Variants in EBF3 observed in about 807,000 individuals in gnomAD.
EBF3 encodes transcription factor COE3.
Under a neutral mutation model 77.1 loss-of-function variants are expected in EBF3, and 18 were observed. The observed-to-expected ratio is 0.23, with a 90% CI of 0.16 to 0.35. EBF3 has a LOEUF of 0.35. Ranked by LOEUF, EBF3 falls within the 10% of genes least tolerant of loss-of-function variation. The probability of loss-of-function intolerance (pLI) is 1.00; values close to 1 mark genes in which losing one functional copy is unlikely to be tolerated. For synonymous variants in EBF3, 350 were observed against 343.5 expected (o/e 1.02, Z -0.21); for missense variants, 558 against 860.0 (o/e 0.65, Z 4.39).
chr10:129,890,040 G>T (rs1853912240), intron 6 of EBF3, among the ~76,000 whole-genome samples: 1 of 146,938 alleles, frequency 6.8e-6, no homozygotes, highest in Non-Finnish European at 1.5e-5. Flanking sequence ...TGTACCAGAG[G>T]TAGTGCAGGG....
chr10:129,865,681 C>T (rs1851958113), intron 10 of EBF3, among the ~76,000 whole-genome samples: 1 of 152,230 alleles, frequency 6.6e-6, no homozygotes, highest in Admixed American at 6.5e-5. Context: ...GCCTGATGTA[C>T]AGTGGGCAGC....
rs1009773358 is a variant in EBF3 at position 129,870,865 on chromosome 10, A to C, written c.781+2587T>G. ...ACAGCTTCCCCAGCCTGGTCCCATT[A>C]ATCAGCCCTCCTGAGTAATATCACA... is the stretch of plus-strand genomic sequence containing the variant. On this transcript the variant is annotated intron_variant, in intron 8 of 16. Coordinates refer to ENST00000440978, the MANE Select transcript of EBF3 (RefSeq NM_001375380.1). This position sits in a 1 kb window ranked among gnomAD's most constrained non-coding sequence, Gnocchi z 4.4. 6.6e-6 allele frequency among the ~76,000 whole-genome samples: 1 copy of C among 152,090 alleles called. No homozygotes were observed. Among genetic ancestry groups the C allele is most frequent in the Non-Finnish European group, 1.5e-5 (1 of 68,022 alleles).
chr10:129,854,266 T>G (rs1057505328), intron 10 of EBF3, among the ~76,000 whole-genome samples: 2 of 152,096 alleles, frequency 1.3e-5, no homozygotes, highest in African/African-American at 4.8e-5. Context: ...TTCAAAGATC[T>G]GCTGCAAAAA....
At chr10:129,840,189 C>CCA in intron 15 of EBF3, 56 bp downstream of exon 15, 2 of 1,471,420 alleles carry the variant, frequency 1.4e-6, no homozygotes, top group Non-Finnish European at 1.8e-6. Context: ...CCCCCACTCC[C>CCA]ATCCCCACCC....
chr10:129,941,740 A>G (rs1046996937), intron 6 of EBF3, among the ~76,000 whole-genome samples: 1 of 152,256 alleles, frequency 6.6e-6, no homozygotes, highest in Non-Finnish European at 1.5e-5. Context: ...TCAAGGAGGC[A>G]GAGCTTGGGG....
chr10:129,945,845 C>G (rs1257760237), intron 6 of EBF3, among the ~76,000 whole-genome samples: 1 of 152,150 alleles, frequency 6.6e-6, no homozygotes, highest in Non-Finnish European at 1.5e-5. Context: ...CCTAAACAAG[C>G]CTTTTTCCTC....
In EBF3 at chr10:129,962,064, A is replaced by G. The variant is rs957703829; in HGVS notation, c.411+107T>C. On this transcript the variant is annotated intron_variant, in intron 4 of 16. Coordinates refer to ENST00000440978, the MANE Select transcript of EBF3 (RefSeq NM_001375380.1). The stretch of plus-strand genomic sequence containing the variant: ...CTCATTAGCATGTCAAGGAAACTCA[A>G]TGGAAAACAAATACACGAGATCCAT... The G allele has an allele frequency of 3.7e-5, 39 of 1,044,936 alleles. No individual in the cohort carries two copies. The Admixed American group carries it at 7.7e-4, about 21-fold the overall frequency. 64.7% of individuals were successfully genotyped at this position (1,044,936 alleles called of 1,614,324 possible).
chr10:129,915,510 A>G (rs1855826272), intron 6 of EBF3, among the ~76,000 whole-genome samples: 1 of 150,966 alleles, frequency 6.6e-6, no homozygotes, highest in African/African-American at 2.5e-5. Flanking sequence ...AAAAGCCAAG[A>G]CAAGTTGGGT....
intron 6 of EBF3, among the ~76,000 whole-genome samples, chr10:129,907,713 G>C (rs1383812761): frequency 1.3e-5 from 2 of 152,172 alleles, no homozygotes; most frequent in African/African-American, 4.8e-5. Flanking sequence ...TAATGAGACT[G>C]GATAGAGAGC....
At chr10:129,871,601 G>A (rs1369380602) in intron 8 of EBF3, among the ~76,000 whole-genome samples, 2 of 152,174 alleles carry the variant, frequency 1.3e-5, no homozygotes, top group East Asian at 3.8e-4. Context: ...GCAGAAGGAG[G>A]GAAGGGGTTT....
chr10:129,944,706 T>C lies in EBF3; in HGVS notation c.554+12552A>G, dbSNP rs996779732. The stretch of plus-strand genomic sequence containing the variant: ...CGAGTATAGTTATACGTATGCCCCA[T>C]GAATCTCATTTTATGCGATTAAGAT... On this transcript the variant is annotated intron_variant, in intron 6 of 16. Transcript: ENST00000440978. The surrounding 1 kb of genome is among the most constrained non-coding windows in gnomAD (Gnocchi z 5.1). 1.3e-5 allele frequency among the ~76,000 whole-genome samples: 2 copies of C among 152,128 alleles called. No homozygotes were observed. Among genetic ancestry groups the C allele is most frequent in the Non-Finnish European group, 2.9e-5 (2 of 68,008 alleles).
Position 129,935,596 on chromosome 10 carries a change from G to A in EBF3, c.554+21662C>T, listed in dbSNP as rs1194873611. Among the ~76,000 whole-genome samples, 3 of 152,198 alleles carry A rather than the reference G, an allele frequency of 2.0e-5. No individual in the cohort carries two copies. The highest frequency in any genetic ancestry group is 1.9e-4 in the East Asian group (1 of 5,174). On this transcript the variant is annotated intron_variant, in intron 6 of 16. Coordinates refer to ENST00000440978, the MANE Select transcript of EBF3 (RefSeq NM_001375380.1). The surrounding 1 kb of genome is among the most constrained non-coding windows in gnomAD (Gnocchi z 4.2). ...GATACATGCACCCCACAAGGCTGGC[G>A]GGCAGCAGGCGGTGCCTCCTGATCA...
At chr10:129,896,435 C>T (rs1854380604) in intron 6 of EBF3, among the ~76,000 whole-genome samples, 1 of 152,232 alleles carries the variant, frequency 6.6e-6, no homozygotes, top group Non-Finnish European at 1.5e-5. Flanking sequence ...CGGCCACCGT[C>T]AGCCACCCTG....
chr10:129,837,367 C>G lies in EBF3; in HGVS notation c.*576G>C, dbSNP rs1486205900. The G allele has an allele frequency of 6.6e-6, 1 of 151,116 alleles. No homozygotes were observed. The highest frequency in any genetic ancestry group is 2.0e-4 in the East Asian group (1 of 5,010). The allele number at this position is 151,116 out of a possible 1,614,324, so 9.4% of individuals were successfully genotyped here. A position where few individuals can be genotyped will look rare whatever the true frequency, so the allele number is the denominator to read the frequency against. ...ATGAAGTTAAGCAGTGATAAACCCT[C>G]CCTCCCTCCCTGCCACCCCAGTTTC... is the stretch of plus-strand genomic sequence containing the variant. On this transcript the variant is annotated 3_prime_UTR_variant, in exon 17 of 17. Coordinates refer to ENST00000440978, the MANE Select transcript of EBF3 (RefSeq NM_001375380.1).
chr10:129,928,342 C>T (rs1856804644), intron 6 of EBF3, among the ~76,000 whole-genome samples: 2 of 152,332 alleles, frequency 1.3e-5, no homozygotes, highest in African/African-American at 4.8e-5. Flanking sequence ...CTGATTATTT[C>T]CTCACAATCC....
intron 6 of EBF3, among the ~76,000 whole-genome samples, chr10:129,928,823 C>T (rs1856832624): frequency 6.6e-6 from 1 of 152,232 alleles, no homozygotes; most frequent in East Asian, 1.9e-4. Flanking sequence ...TAATCACTGT[C>T]TCCACTGGCA....
chr10:129,868,010 A>C (rs1282075447), intron 8 of EBF3, 98 bp from the exon 9 acceptor site: 23 of 1,520,922 alleles, frequency 1.5e-5, no homozygotes, highest in Non-Finnish European at 1.8e-6. Flanking sequence ...CCGCGGGAGG[A>C]GAGGCGCGCC....
rs1055923745 is a variant in EBF3 at position 129,864,434 on chromosome 10, G to A, written c.1039+2707C>T. On this transcript the variant is annotated intron_variant, in intron 10 of 16. Transcript: ENST00000440978. The surrounding 1 kb of genome is among the most constrained non-coding windows in gnomAD (Gnocchi z 4.4). ...AGCACTGGGGACAGAATCCCCAGGAGACAGCAGGCAAAGTGCAAAGAAAGG... is the reference window on the plus strand; with the variant it reads ...AGCACTGGGGACAGAATCCCCAGGAAACAGCAGGCAAAGTGCAAAGAAAGG... Among the ~76,000 whole-genome samples, 2 of 152,204 alleles carry A rather than the reference G, an allele frequency of 1.3e-5. No individual in the cohort carries two copies. Among genetic ancestry groups the A allele is most frequent in the African/African-American group, 4.8e-5 (2 of 41,448 alleles).
At chr10:129,878,823 CAAAAAAAAAAAA>C (rs10654202) in intron 6 of EBF3, among the ~76,000 whole-genome samples, 7 of 58,758 alleles carry the variant, frequency 1.2e-4, no homozygotes, top group Non-Finnish European at 1.9e-4. Context: ...AAATCGGTCT[CAAAAAAAAAAAA>C]AAAAAAAAAA....
Sources: gnomAD v4.1 joint callset for allele counts (sites outside exome capture counted in the v4.1 genomes callset) on GRCh38, gnomAD v4.1.1 for gene constraint, Gnocchi (gnomAD v3.1) non-coding constraint, MANE v1.5 for transcripts, NCBI Gene and HGNC (gene_info 2026-07-23, HGNC 2026-07-21) for gene names.